Variants in HHIP observed in about 807,000 individuals in gnomAD.
HHIP encodes the protein hedgehog interacting protein.
HHIP carries 12 observed loss-of-function variants against 74.0 expected under a neutral mutation model. That is an observed-to-expected ratio of 0.16 (90% confidence interval 0.10 to 0.26). The LOEUF is 0.26. Ranked by LOEUF, HHIP falls within the 10% of genes least tolerant of loss-of-function variation. The pLI is 1.00. For missense variants in HHIP, 788 were observed against 845.0 expected (o/e 0.93, Z 0.84); for synonymous variants, 309 against 311.6 (o/e 0.99, Z 0.09).
At chr4:144,652,043 G>T (rs1424727050) in intron 1 of HHIP, among the ~76,000 whole-genome samples, 1 of 151,938 alleles carries the variant, frequency 6.6e-6, no homozygotes, top group Non-Finnish European at 1.5e-5. Flanking sequence ...TATAAAACAT[G>T]AACAGCAAAT....
At chr4:144,728,807 C>T (rs1021144179) in intron 11 of HHIP, among the ~76,000 whole-genome samples, 33 of 152,208 alleles carry the variant, frequency 2.2e-4, no homozygotes, top group African/African-American at 7.7e-4. Context: ...CCATTGGCTC[C>T]GTTCTTCTAC....
At chr4:144,650,082 C>T (rs558085135) in intron 1 of HHIP, among the ~76,000 whole-genome samples, 6 of 152,242 alleles carry the variant, frequency 3.9e-5, no homozygotes, top group South Asian at 2.1e-4. Context: ...GTCCCCTCAT[C>T]GAACCCATGT....
chr4:144,721,005 T>TA (rs956473190), intron 11 of HHIP, among the ~76,000 whole-genome samples: 5 of 152,090 alleles, frequency 3.3e-5, no homozygotes, highest in African/African-American at 1.2e-4. Context: ...GGTAGAATTT[T>TA]AAAAAAGATT....
At chr4:144,690,900 C>A (rs1729641058) in intron 4 of HHIP, among the ~76,000 whole-genome samples, 1 of 151,834 alleles carries the variant, frequency 6.6e-6, no homozygotes, top group East Asian at 1.9e-4. Flanking sequence ...TTTTTTTTAA[C>A]CTCCATTTAG....
chr4:144,708,003 A>G lies in HHIP; in HGVS notation c.1158-165A>G. The G allele has an allele frequency of 1.0e-5, 7 of 694,346 alleles. No homozygotes were observed. In the South Asian group the frequency reaches 1.4e-4, roughly 14 times the overall value. 43.0% of individuals were successfully genotyped at this position (694,346 alleles called of 1,614,324 possible). A position where few individuals can be genotyped will look rare whatever the true frequency, so the allele number is the denominator to read the frequency against. The stretch of plus-strand genomic sequence containing the variant: ...AACAATCCTCTCACCTTGGCTTCCC[A>G]AAGTGCTGGGATTACAGACGTGAGC... On this transcript the variant is annotated intron_variant, in intron 6 of 12. Coordinates refer to ENST00000296575, the MANE Select transcript of HHIP (RefSeq NM_022475.3).
chr4:144,742,849 A>T lies in HHIP; in HGVS notation c.*4892A>T, dbSNP rs569487660. ...TATATTTGGTTATATATATATCTTT[A>T]TATATATATCTTATATATATATCTT... On this transcript the variant is annotated 3_prime_UTR_variant, in exon 13 of 13. Coordinates refer to ENST00000296575, the MANE Select transcript of HHIP (RefSeq NM_022475.3). 1.1e-4 allele frequency: 16 copies of T among 139,924 alleles called. No individual in the cohort carries two copies. Among genetic ancestry groups the T allele is most frequent in the African/African-American group, 3.9e-4 (14 of 36,102 alleles). The allele number at this position is 139,924 out of a possible 1,614,324, so 8.7% of individuals were successfully genotyped here.
At chr4:144,652,912 C>T in intron 2 of HHIP, 115 bp downstream of exon 2, 1 of 634,658 alleles carries the variant, frequency 1.6e-6, no homozygotes, top group Non-Finnish European at 2.6e-6. Flanking sequence ...TTTAAAAATA[C>T]CTATTTTACC....
intron 1 of HHIP, among the ~76,000 whole-genome samples, chr4:144,647,745 T>A (rs1349623698): frequency 6.6e-6 from 1 of 152,234 alleles, no homozygotes; most frequent in Non-Finnish European, 1.5e-5. Flanking sequence ...TTTTTGAGTT[T>A]GCAATATCGT....
intron 4 of HHIP, among the ~76,000 whole-genome samples, chr4:144,692,904 T>C (rs1229771876): frequency 6.6e-6 from 1 of 150,684 alleles, no homozygotes; most frequent in Non-Finnish European, 1.5e-5. Flanking sequence ...GGAGCCAAGT[T>C]GCAAAGCAAG....
In HHIP at chr4:144,646,813, G is replaced by A; in HGVS notation, c.138G>A (p.Lys46=). Residue 46 remains lysine (K), a synonymous_variant, in exon 1 of 13, where the codon AAG becomes AAA. Coordinates refer to ENST00000296575, the MANE Select transcript of HHIP (RefSeq NM_022475.3). Reference sequence around the variant, plus strand: ...GGTGCCTGAATGGGAACCCCCCGAAGCGCCTGAAAAGGAGAGACAGGAGGA... The same window carrying A: ...GGTGCCTGAATGGGAACCCCCCGAAACGCCTGAAAAGGAGAGACAGGAGGA... ...RRRCLNGNPP[K]RLKRRDRRMM... is the part of the protein sequence containing the mutation. 1.2e-6 allele frequency: 2 copies of A among 1,614,230 alleles called. No individual in the cohort carries two copies. Among genetic ancestry groups the A allele is most frequent in the South Asian group, 2.2e-5 (2 of 91,082 alleles).
intron 1 of HHIP, among the ~76,000 whole-genome samples, chr4:144,649,410 GA>G (rs1180957161): frequency 4.6e-5 from 7 of 151,988 alleles, no homozygotes; most frequent in Non-Finnish European, 1.0e-4. Flanking sequence ...TTTTTTTAAT[GA>G]ACTAGAATTG....
At position 144,742,979 on chromosome 4, in the gene HHIP, ATATACAT is replaced by A. The variant is rs1560729137; in HGVS notation, c.*5027_*5033del. ...ATACATATAAGATATATGTATATATATATACATTATATATATATAATATATATATATT... is the reference window on the plus strand; with the variant it reads ...ATACATATAAGATATATGTATATATATATATATATATAATATATATATATT... On this transcript the variant is annotated 3_prime_UTR_variant, in exon 13 of 13. Transcript: ENST00000296575. 308 of 2,006 alleles carry A rather than the reference ATATACAT, an allele frequency of 0.15. 3 individuals are homozygous for A. Among genetic ancestry groups the A allele is most frequent in the Middle Eastern group, 0.33 (2 of 6 alleles). 0.1% of individuals were successfully genotyped at this position (2,006 alleles called of 1,614,324 possible).
chr4:144,658,228 G>T (rs1343878358), intron 2 of HHIP, among the ~76,000 whole-genome samples: 1 of 152,026 alleles, frequency 6.6e-6, no homozygotes, highest in Non-Finnish European at 1.5e-5. Flanking sequence ...TGTCTTATTT[G>T]TACTTCATGG....
intron 11 of HHIP, among the ~76,000 whole-genome samples, chr4:144,728,943 C>G (rs144620600): frequency 6.6e-6 from 1 of 151,932 alleles, no homozygotes; most frequent in Non-Finnish European, 1.5e-5. Flanking sequence ...GTAAATCCTT[C>G]AGAATACAGC....
chr4:144,674,910 G>A (rs1043589668), intron 4 of HHIP, among the ~76,000 whole-genome samples: 5 of 152,090 alleles, frequency 3.3e-5, no homozygotes, highest in African/African-American at 1.2e-4. Context: ...AACTTGGTAG[G>A]GAACTGGGCC....
chr4:144,738,129 G>C lies in HHIP; in HGVS notation c.*172G>C. ...CCTCTGTGTGTATGTCAGCATGTTT[G>C]TTCACATATGCACATACACATACTC... On this transcript the variant is annotated 3_prime_UTR_variant, in exon 13 of 13. Transcript: ENST00000296575. The C allele has an allele frequency of 7.7e-7, 1 of 1,300,586 alleles. No individual in the cohort carries two copies. Among genetic ancestry groups the C allele is most frequent in the Non-Finnish European group, 9.8e-7 (1 of 1,024,456 alleles). 80.6% of individuals were successfully genotyped at this position (1,300,586 alleles called of 1,614,324 possible). A position where few individuals can be genotyped will look rare whatever the true frequency, so the allele number is the denominator to read the frequency against.
intron 4 of HHIP, among the ~76,000 whole-genome samples, chr4:144,686,304 T>G (rs982367303): frequency 6.6e-6 from 1 of 152,184 alleles, no homozygotes; most frequent in African/African-American, 2.4e-5. Context: ...AGGGATTTTT[T>G]TTTTAAGAGC....
At chr4:144,723,207 C>G (rs1730686024) in intron 11 of HHIP, among the ~76,000 whole-genome samples, 1 of 152,076 alleles carries the variant, frequency 6.6e-6, no homozygotes, top group Non-Finnish European at 1.5e-5. Flanking sequence ...GTTACCCAAC[C>G]AAGTCACACA....
At chr4:144,710,771 A>G (rs942373658) in intron 7 of HHIP, among the ~76,000 whole-genome samples, 1 of 152,186 alleles carries the variant, frequency 6.6e-6, no homozygotes, top group Non-Finnish European at 1.5e-5. Flanking sequence ...AGATGCTGCT[A>G]AACACCCTAC....
Sources: gnomAD v4.1 joint callset for allele counts (sites outside exome capture counted in the v4.1 genomes callset) on GRCh38, gnomAD v4.1.1 for gene constraint, MANE v1.5 for transcripts, NCBI Gene and HGNC (gene_info 2026-07-23, HGNC 2026-07-21) for gene names.